DISP1: variants seen among roughly 807,000 people sequenced by gnomAD.
The protein encoded by DISP1 is protein dispatched homolog 1.
In DISP1, 30 loss-of-function variants were observed where a neutral mutation model predicts 37.3. The ratio of observed to expected loss-of-function variants is 0.80; its 90% CI spans 0.60 to 1.09. DISP1 has a LOEUF of 1.09. Among genes scored for constraint, DISP1 ranks in the 50% least tolerant of loss-of-function variants. DISP1 has a pLI of 0.00. For synonymous variants in DISP1, 634 were observed against 690.2 expected, an observed-to-expected ratio of 0.92 and a Z score of 1.28; for missense variants, 1,598 against 1,879.5, an observed-to-expected ratio of 0.85 and a Z score of 2.77.
At chr1:222,865,636 T>A (rs1375436794) in intron 1 of DISP1, among the ~76,000 whole-genome samples, 1 of 152,230 alleles carries the variant, frequency 6.6e-6, no homozygotes, top group Admixed American at 6.5e-5. Context: ...AGTGTAGACA[T>A]TTAAAGGTAA....
chr1:222,922,420 G>C (rs978602292), intron 1 of DISP1, among the ~76,000 whole-genome samples: 2 of 152,148 alleles, frequency 1.3e-5, no homozygotes, highest in African/African-American at 2.4e-5. Flanking sequence ...AAATGGAAAG[G>C]ATGGGTATAT....
At chr1:222,942,245 G>T (rs994877189) in intron 2 of DISP1, among the ~76,000 whole-genome samples, 1 of 152,088 alleles carries the variant, frequency 6.6e-6, no homozygotes, top group Non-Finnish European at 1.5e-5. Flanking sequence ...TAGCTTTCCT[G>T]ACTGGTTTTA....
At chr1:223,000,776 A>T (rs1051368516) in intron 8 of DISP1, among the ~76,000 whole-genome samples, 3 of 152,186 alleles carry the variant, frequency 2.0e-5, no homozygotes, top group Non-Finnish European at 4.4e-5. Flanking sequence ...GGTAAGTCCC[A>T]GTTCTGAAGC....
intron 2 of DISP1, among the ~76,000 whole-genome samples, chr1:222,942,196 A>G (rs1006891391): frequency 6.6e-6 from 1 of 152,122 alleles, no homozygotes; most frequent in Non-Finnish European, 1.5e-5. Flanking sequence ...AGTATATTAT[A>G]TAGAATTTTG....
At chr1:222,815,532 C>T (rs1170610566) in intron 1 of DISP1, among the ~76,000 whole-genome samples, 1 of 152,278 alleles carries the variant, frequency 6.6e-6, no homozygotes, top group Admixed American at 6.5e-5. Context: ...GACGTCTTGA[C>T]CTAACGAACC....
chr1:222,963,570 G>A (rs1211627074), intron 3 of DISP1, among the ~76,000 whole-genome samples: 1 of 152,178 alleles, frequency 6.6e-6, no homozygotes, highest in Non-Finnish European at 1.5e-5. Context: ...ATACACCATG[G>A]AATACTATGC....
In DISP1 at chr1:222,893,763, C is replaced by G. The variant is rs78157293; in HGVS notation, c.-158-34667C>G. On this transcript the variant is annotated intron_variant, in intron 1 of 8. Coordinates refer to ENST00000675850, the MANE Select transcript of DISP1 (RefSeq NM_001377229.1). The surrounding 1 kb of genome is among the most constrained non-coding windows in gnomAD (Gnocchi z 4.3). ...CTCCGGGAGCTCCTAGATGTGGGCT[C>G]CCTTCTCTCCTTCTTGTTGCCCACA... Among the ~76,000 whole-genome samples, 1,715 of 152,282 alleles carry G rather than the reference C, an allele frequency of 0.011. 28 individuals carry two copies. Among genetic ancestry groups the G allele is most frequent in the African/African-American group, 0.039 (1,640 of 41,560 alleles).
intron 1 of DISP1, among the ~76,000 whole-genome samples, chr1:222,872,696 T>C (rs1669660782): frequency 6.6e-6 from 1 of 152,204 alleles, no homozygotes; most frequent in African/African-American, 2.4e-5. Flanking sequence ...TAGCAGTCTA[T>C]CAATTTTGTT....
rs764273909 is a variant in DISP1 at position 222,943,248 on chromosome 1, A to T, written c.425A>T (p.Gln142Leu). The T allele has an allele frequency of 6.2e-7, 1 of 1,613,850 alleles. No homozygotes were observed. Among genetic ancestry groups the T allele is most frequent in the East Asian group, 2.2e-5 (1 of 44,876 alleles). The change falls in exon 3 of 9, where the codon CAG (glutamine) becomes CTG (leucine). Residue 142 changes from glutamine to leucine, a missense_variant. Coordinates refer to ENST00000675850, the MANE Select transcript of DISP1 (RefSeq NM_001377229.1). ...SPVYQTTCCL[Q>L]PSPSFCLHHP... Reference sequence around the variant, plus strand: ...GTGTATCAGACTACGTGCTGTCTTCAGCCCTCTCCATCCTTCTGCCTGCAT... The same window carrying T: ...GTGTATCAGACTACGTGCTGTCTTCTGCCCTCTCCATCCTTCTGCCTGCAT...
At chr1:222,850,383 T>C (rs1332816553) in intron 1 of DISP1, among the ~76,000 whole-genome samples, 3 of 152,070 alleles carry the variant, frequency 2.0e-5, no homozygotes, top group African/African-American at 7.2e-5. Flanking sequence ...CCCATGTTTT[T>C]ATTATTCTTT....
chr1:222,840,693 G>A (rs1202471413), intron 1 of DISP1, among the ~76,000 whole-genome samples: 1 of 150,776 alleles, frequency 6.6e-6, no homozygotes, highest in Non-Finnish European at 1.5e-5. Context: ...CTCCCGAGTA[G>A]CTGGGACTAC....
At chr1:222,873,281 T>G (rs1459620757) in intron 1 of DISP1, among the ~76,000 whole-genome samples, 1 of 152,114 alleles carries the variant, frequency 6.6e-6, no homozygotes, top group Non-Finnish European at 1.5e-5. Context: ...CTGTAGAGGT[T>G]TATTAGGTCT....
rs1397956301 is a variant in DISP1, at chr1:222,858,340, C to T, written c.-159+43262C>T. Among the ~76,000 whole-genome samples the T allele has an allele frequency of 3.3e-5, 5 of 151,940 alleles. No homozygotes were observed. In the South Asian group the frequency reaches 1.0e-3, roughly 31 times the overall value. On this transcript the variant is annotated intron_variant, in intron 1 of 8. Transcript: ENST00000675850. ...TACAAAAAATTAACTCAAGATGTAT[C>T]AAAGACTTAAATATAAAACCAAAAG... is the stretch of plus-strand genomic sequence containing the variant.
At chr1:222,815,266 G>A (rs1410176175) in intron 1 of DISP1, 188 bp downstream of exon 1, 2 of 152,490 alleles carry the variant, frequency 1.3e-5, no homozygotes, top group African/African-American at 4.8e-5. Flanking sequence ...CGGGGAACCA[G>A]GAGAGCCCTA....
chr1:222,883,791 T>C (rs939387292), intron 1 of DISP1, among the ~76,000 whole-genome samples: 1 of 152,216 alleles, frequency 6.6e-6, no homozygotes, highest in Admixed American at 6.5e-5. Flanking sequence ...CGCTGTGTAG[T>C]GTTACAATTC....
At chr1:222,903,527 T>A (rs1391566852) in intron 1 of DISP1, among the ~76,000 whole-genome samples, 1 of 152,120 alleles carries the variant, frequency 6.6e-6, no homozygotes, top group East Asian at 1.9e-4. Context: ...TATATGTAAA[T>A]ATATTTACTA....
intron 3 of DISP1, among the ~76,000 whole-genome samples, chr1:222,946,592 G>A (rs1426206475): frequency 3.3e-5 from 5 of 152,110 alleles, no homozygotes; most frequent in African/African-American, 1.2e-4. Context: ...GCCAGGCACC[G>A]AGGATATAAT....
intron 3 of DISP1, among the ~76,000 whole-genome samples, chr1:222,979,329 C>T (rs1434380731): frequency 6.6e-6 from 1 of 152,154 alleles, no homozygotes; most frequent in East Asian, 1.9e-4. Context: ...GGGAGGATTA[C>T]TTGAGCCCAG....
At chr1:222,884,361 A>G (rs1005843082) in intron 1 of DISP1, among the ~76,000 whole-genome samples, 4 of 152,086 alleles carry the variant, frequency 2.6e-5, no homozygotes, top group Non-Finnish European at 5.9e-5. Context: ...TTTCACTTAT[A>G]TCCTTTCTCT....
Sources: gnomAD v4.1 joint callset for allele counts (sites outside exome capture counted in the v4.1 genomes callset) on GRCh38, gnomAD v4.1.1 for gene constraint, Gnocchi (gnomAD v3.1) non-coding constraint, MANE v1.5 for transcripts, NCBI Gene and HGNC (gene_info 2026-07-23, HGNC 2026-07-21) for gene names.